Variants in MCF2L observed in about 807,000 individuals in gnomAD.
MCF2L encodes the protein MCF.2 cell line derived transforming sequence like, also known as guanine nucleotide exchange factor DBS.
Under a neutral mutation model 153.4 loss-of-function variants are expected in MCF2L, and 97 were observed. The observed-to-expected ratio is 0.63, with a 90% CI of 0.54 to 0.75. The LOEUF (loss-of-function observed/expected upper bound fraction) is 0.75. Among genes scored for constraint, MCF2L ranks in the 30% least tolerant of loss-of-function variants. The pLI is 0.00. For missense variants in MCF2L, 1,347 were observed against 1,495.2 expected (o/e 0.90, Z 1.64); for synonymous variants, 659 against 632.2 (o/e 1.04, Z -0.64).
At chr13:112,899,245 C>T (rs1218586264) in intron 1 of MCF2L, among the ~76,000 whole-genome samples, 2 of 152,180 alleles carry the variant, frequency 1.3e-5, no homozygotes, top group African/African-American at 2.4e-5. Context: ...GTGTGCGAGG[C>T]GCCTCGCTCA....
At chr13:113,002,584 G>A (rs2083445855) in intron 1 of MCF2L, among the ~76,000 whole-genome samples, 1 of 152,182 alleles carries the variant, frequency 6.6e-6, no homozygotes. Context: ...GTTTGGTCTG[G>A]TCAGGGCTCA....
At chr13:113,026,731 A>C in intron 3 of MCF2L, 1 of 592,788 alleles carries the variant, frequency 1.7e-6, no homozygotes, top group Non-Finnish European at 3.0e-6. Context: ...CTTTCCAGGA[A>C]AGAACTGACC....
intron 4 of MCF2L, among the ~76,000 whole-genome samples, chr13:113,060,020 T>A (rs557300052): frequency 1.1e-4 from 17 of 152,310 alleles, no homozygotes; most frequent in African/African-American, 4.1e-4. Context: ...GAGTCTGAAC[T>A]CAGGTGTGGC....
rs2034724807 is a variant in MCF2L at position 113,087,264 on chromosome 13, G to A, written c.2403G>A (p.Leu801=). 6.2e-7 allele frequency: 1 copy of A among 1,612,510 alleles called. No individual in the cohort carries two copies. The highest frequency in any genetic ancestry group is 8.5e-7 in the Non-Finnish European group (1 of 1,179,948). The change falls in exon 22 of 30, where the codon CTG becomes CTA. Residue 801 remains leucine, a synonymous_variant. Coordinates refer to ENST00000535094, the MANE Select transcript of MCF2L (RefSeq NM_001112732.3). ...DGNLGDLGKL[L]MQGSFSVWTD... The stretch of plus-strand genomic sequence containing the variant: ...ATCTCGGCGACCTGGGCAAGCTGCT[G>A]ATGCAGGGCTCGTTCAGCGTCTGGA...
At chr13:112,894,864 G>A (rs183227747) in intron 1 of MCF2L, among the ~76,000 whole-genome samples, 216 of 150,028 alleles carry the variant, frequency 1.4e-3, no homozygotes, top group African/African-American at 4.4e-3. Context: ...CAGTGTCCAG[G>A]ACAGCGCCTA....
chr13:112,954,418 C>T (rs1373740769), intron 2 of MCF2L, among the ~76,000 whole-genome samples: 3 of 152,188 alleles, frequency 2.0e-5, no homozygotes, highest in Middle Eastern at 3.2e-3. Context: ...TGCATCCTGA[C>T]GTGCTGTTGA....
intron 1 of MCF2L, among the ~76,000 whole-genome samples, chr13:112,982,266 AG>A (rs1198490821): frequency 2.5e-4 from 38 of 152,214 alleles, no homozygotes; most frequent in African/African-American, 8.4e-4. Context: ...CTGGGGCCGA[AG>A]GCACAGGATG....
At position 112,904,916 on chromosome 13, in the gene MCF2L, T is replaced by A. The variant is rs2081157562; in HGVS notation, c.169+2545T>A. ...ATTTCGAAATCAGTGATAGTTTTTT[T>A]TGTCATAAAATAGACACCCATGAAA... is the stretch of plus-strand genomic sequence containing the variant. On this transcript the variant is annotated intron_variant, in intron 2 of 29. Transcript: ENST00000375608. This position sits in a 1 kb window ranked among gnomAD's most constrained non-coding sequence, Gnocchi z 4.2. 6.6e-6 allele frequency among the ~76,000 whole-genome samples: 1 copy of A among 152,230 alleles called. No homozygotes were observed. The highest frequency in any genetic ancestry group is 2.1e-4 in the South Asian group (1 of 4,836).
chr13:113,027,494 A>G lies in MCF2L; in HGVS notation c.278+2736A>G, dbSNP rs563735459. Among the ~76,000 whole-genome samples, 2 of 152,296 alleles carry G rather than the reference A, an allele frequency of 1.3e-5. No homozygotes were observed. The highest frequency in any genetic ancestry group is 4.1e-4 in the South Asian group (2 of 4,822). The stretch of plus-strand genomic sequence containing the variant: ...GCCCTGGACATGGCGGTGTCCTGGT[A>G]GCCCCAAATCACTGTGTGTTGGGTT... On this transcript the variant is annotated intron_variant, in intron 3 of 29. Coordinates refer to ENST00000535094, the MANE Select transcript of MCF2L (RefSeq NM_001112732.3). This position sits in a 1 kb window ranked among gnomAD's most constrained non-coding sequence, Gnocchi z 4.8.
At chr13:113,029,982 T>A (rs899329333) in intron 3 of MCF2L, among the ~76,000 whole-genome samples, 11 of 152,258 alleles carry the variant, frequency 7.2e-5, no homozygotes, top group Non-Finnish European at 1.2e-4. Context: ...TTAGAAAGAA[T>A]GTTGTATTCT....
intron 3 of MCF2L, among the ~76,000 whole-genome samples, chr13:113,026,002 G>A (rs1359062594): frequency 3.8e-5 from 3 of 79,198 alleles, no homozygotes; most frequent in African/African-American, 1.4e-4. Flanking sequence ...TCTCCGTGAG[G>A]TTTCATCATG....
At chr13:113,021,706 G>A (rs1179290519) in intron 2 of MCF2L, among the ~76,000 whole-genome samples, 2 of 152,230 alleles carry the variant, frequency 1.3e-5, no homozygotes, top group African/African-American at 4.8e-5. Flanking sequence ...GAGAGGGGCT[G>A]TGCCCCCAGC....
chr13:112,916,983 A>G (rs1206839369), intron 2 of MCF2L: 1 of 443,468 alleles, frequency 2.3e-6, no homozygotes, highest in Admixed American at 2.4e-5. Flanking sequence ...CTGTGTCCCC[A>G]TCCCTCTTCC....
chr13:113,033,090 C>T (rs1482160343), intron 3 of MCF2L, among the ~76,000 whole-genome samples: 1 of 133,776 alleles, frequency 7.5e-6, no homozygotes, highest in Non-Finnish European at 1.5e-5. Context: ...GACCCCGTGG[C>T]ATGAGTGGCT....
rs760158165 is a variant in MCF2L, at chr13:113,082,436, G to T, written c.1885G>T (p.Ala629Ser). 5.6e-6 allele frequency: 9 copies of T among 1,611,966 alleles called. No homozygotes were observed. The highest frequency in any genetic ancestry group is 3.3e-5 in the South Asian group (3 of 91,046). The change falls in exon 17 of 30, where the codon GCG (alanine) becomes TCG (serine). Residue 629 changes from alanine (A) to serine (S), a missense_variant. Coordinates refer to ENST00000535094, the MANE Select transcript of MCF2L (RefSeq NM_001112732.3). ...TGCGCTCTCCCTGCAGGGCTACGCCGCGGAGATGGATAACCCACTGATGGC... is the reference window on the plus strand; with the variant it reads ...TGCGCTCTCCCTGCAGGGCTACGCCTCGGAGATGGATAACCCACTGATGGC... ...ELLCVLEGYAAEMDNPLMAHL... is the reference protein window; with the variant it reads ...ELLCVLEGYASEMDNPLMAHL...
chr13:113,030,029 C>T (rs774418028), intron 3 of MCF2L, among the ~76,000 whole-genome samples: 12 of 152,214 alleles, frequency 7.9e-5, no homozygotes, highest in Non-Finnish European at 1.5e-4. Context: ...ATGCAAATGC[C>T]AGGTGTCCCA....
At chr13:112,989,480 G>A (rs377563559) in intron 1 of MCF2L, among the ~76,000 whole-genome samples, 1 of 21,750 alleles carries the variant, frequency 4.6e-5, no homozygotes, top group Admixed American at 3.1e-4. Context: ...CACCACGCCC[G>A]AGTCCTCCCT....
chr13:113,090,537 C>T (rs2035108362), intron 26 of MCF2L: 1 of 985,010 alleles, frequency 1.0e-6, no homozygotes, highest in South Asian at 4.7e-5. Flanking sequence ...GCAGAGGCCG[C>T]TCAGCCATCT....
intron 1 of MCF2L, chr13:112,979,777 G>A (rs6577024): frequency 4.4e-5 from 71 of 1,602,974 alleles, no homozygotes; most frequent in Non-Finnish European, 5.5e-5. Context: ...CAATGGGGTC[G>A]CAGGGCATGG....
Sources: gnomAD v4.1 joint callset for allele counts (sites outside exome capture counted in the v4.1 genomes callset) on GRCh38, gnomAD v4.1.1 for gene constraint, Gnocchi (gnomAD v3.1) non-coding constraint, MANE v1.5 for transcripts, NCBI Gene and HGNC (gene_info 2026-07-23, HGNC 2026-07-21) for gene names.